The following PRKCE variants were observed in gnomAD, a reference collection of about 807,000 sequenced individuals.
The protein encoded by PRKCE is protein kinase C epsilon type.
A neutral mutation model predicts 85.4 loss-of-function variants in PRKCE; 16 were observed. The ratio of observed to expected loss-of-function variants is 0.19; its 90% CI spans 0.13 to 0.28. The LOEUF is 0.28. PRKCE is among the 10% of genes least tolerant of loss of function. The pLI is 1.00. For missense variants in PRKCE, 573 were observed against 975.2 expected, an observed-to-expected ratio of 0.59 and a Z score of 5.49; for synonymous variants, 388 against 371.5, an observed-to-expected ratio of 1.04 and a Z score of -0.51.
At chr2:45,950,341 C>G (rs1382278286) in intron 2 of PRKCE, among the ~76,000 whole-genome samples, 1 of 152,130 alleles carries the variant, frequency 6.6e-6, no homozygotes, top group Non-Finnish European at 1.5e-5. Context: ...CATTTATTAC[C>G]CCATCATGGG....
At chr2:45,846,400 G>A (rs1479067491) in intron 2 of PRKCE, among the ~76,000 whole-genome samples, 1 of 152,142 alleles carries the variant, frequency 6.6e-6, no homozygotes, top group Non-Finnish European at 1.5e-5. Flanking sequence ...TTGCACCTAG[G>A]TGTCATGCTC....
chr2:46,040,807 A>G (rs1395329387), intron 10 of PRKCE, among the ~76,000 whole-genome samples: 1 of 152,314 alleles, frequency 6.6e-6, no homozygotes, highest in East Asian at 1.9e-4. Flanking sequence ...ACTTACTAAG[A>G]TTTCATCTCC....
intron 10 of PRKCE, among the ~76,000 whole-genome samples, chr2:46,028,142 A>C (rs776677867): frequency 2.0e-5 from 3 of 152,114 alleles, no homozygotes; most frequent in Non-Finnish European, 4.4e-5. Context: ...GGGTTTTGCC[A>C]TGCTGGCCAG....
At chr2:46,005,067 G>C (rs1345213739) in intron 8 of PRKCE, among the ~76,000 whole-genome samples, 3 of 152,188 alleles carry the variant, frequency 2.0e-5, no homozygotes, top group Non-Finnish European at 4.4e-5. Flanking sequence ...CCTGAGATCA[G>C]CTTGAGTTTG....
rs1675352083 is a variant in PRKCE at position 46,139,970 on chromosome 2, C to T, written c.1593-5123C>T. Reference sequence around the variant, plus strand: ...AAAGTGAGAATAGATATTGGGACAACCAGAAATCTGCCATAAAATGTCATA... The same window carrying T: ...AAAGTGAGAATAGATATTGGGACAATCAGAAATCTGCCATAAAATGTCATA... On this transcript the variant is annotated intron_variant, in intron 11 of 14. Coordinates refer to ENST00000306156, the MANE Select transcript of PRKCE (RefSeq NM_005400.3). The surrounding 1 kb of genome is among the most constrained non-coding windows in gnomAD (Gnocchi z 5.2). Among the ~76,000 whole-genome samples, 1 of 151,962 alleles carries T rather than the reference C, an allele frequency of 6.6e-6. No homozygotes were observed. The highest frequency in any genetic ancestry group is 2.4e-5 in the African/African-American group (1 of 41,376).
intron 2 of PRKCE, among the ~76,000 whole-genome samples, chr2:45,908,920 C>T (rs1697182483): frequency 6.6e-6 from 1 of 152,170 alleles, no homozygotes; most frequent in Non-Finnish European, 1.5e-5. Flanking sequence ...TCTATTCTGG[C>T]AGCTTTCTAC....
rs530558619 is a variant in PRKCE, at chr2:45,788,889, T to C, written c.349-54111T>C. On this transcript the variant is annotated intron_variant, in intron 1 of 14. Coordinates refer to ENST00000306156, the MANE Select transcript of PRKCE (RefSeq NM_005400.3). ...GGTCAATCAGAGAAGGGCATTGACT[T>C]ACACCATTGGTCCTCAACTCTGGCT... Among the ~76,000 whole-genome samples the C allele has an allele frequency of 2.0e-5, 3 of 152,324 alleles. No homozygotes were observed. In the South Asian group the frequency reaches 6.2e-4, roughly 32 times the overall value.
chr2:45,949,284 T>G (rs1284029399), intron 2 of PRKCE, among the ~76,000 whole-genome samples: 1 of 152,238 alleles, frequency 6.6e-6, no homozygotes, highest in Non-Finnish European at 1.5e-5. Flanking sequence ...CAGATTTTAA[T>G]TTTTGTCAAC....
chr2:45,776,785 A>G (rs1385339275), intron 1 of PRKCE, among the ~76,000 whole-genome samples: 2 of 152,226 alleles, frequency 1.3e-5, no homozygotes, highest in African/African-American at 4.8e-5. Flanking sequence ...GAGGAAGGCC[A>G]GCCTCACAGC....
intron 11 of PRKCE, among the ~76,000 whole-genome samples, chr2:46,119,617 G>A (rs747643769): frequency 6.6e-6 from 1 of 152,186 alleles, no homozygotes; most frequent in Non-Finnish European, 1.5e-5. Context: ...ATTAGTGCTA[G>A]GAGAGGAACA....
chr2:45,824,124 A>G (rs1207281989), intron 1 of PRKCE, among the ~76,000 whole-genome samples: 2 of 152,220 alleles, frequency 1.3e-5, no homozygotes, highest in African/African-American at 4.8e-5. Context: ...ATGCAAGTTT[A>G]CTATGTTTGT....
At chr2:45,814,780 A>G (rs1688910977) in intron 1 of PRKCE, among the ~76,000 whole-genome samples, 3 of 152,172 alleles carry the variant, frequency 2.0e-5, no homozygotes, top group Non-Finnish European at 2.9e-5. Context: ...AGTGTCTTGT[A>G]GAGTACTTCA....
Position 46,159,965 on chromosome 2 carries a change from A to T in PRKCE, c.2067+213A>T. On this transcript the variant is annotated intron_variant, in intron 14 of 14. Coordinates refer to ENST00000306156, the MANE Select transcript of PRKCE (RefSeq NM_005400.3). This position sits in a 1 kb window ranked among gnomAD's most constrained non-coding sequence, Gnocchi z 4.1. ...GTAACCTACTACAGCAGCACCCAAG[A>T]TGATGATTTACGTGGGCCACAGAAC... 1 of 521,474 alleles carries T rather than the reference A, an allele frequency of 1.9e-6. No individual in the cohort carries two copies. Among genetic ancestry groups the T allele is most frequent in the South Asian group, 2.8e-5 (1 of 35,246 alleles). The allele number at this position is 521,474 out of a possible 1,614,324, so 32.3% of individuals were successfully genotyped here. A position where few individuals can be genotyped will look rare whatever the true frequency, so the allele number is the denominator to read the frequency against.
intron 1 of PRKCE, among the ~76,000 whole-genome samples, chr2:45,730,868 A>C (rs1681513442): frequency 6.6e-6 from 1 of 152,222 alleles, no homozygotes; most frequent in African/African-American, 2.4e-5. Flanking sequence ...TGTCTGCCCG[A>C]CAGATCATGG....
chr2:46,047,147 C>A lies in PRKCE; in HGVS notation c.1437+36630C>A, dbSNP rs142782740. On this transcript the variant is annotated intron_variant, in intron 10 of 14. Transcript: ENST00000306156. ...CCCAGCCTTCCTGGCCATTTTTATC[C>A]CTACTTAGAGAAGTTTTGAGGCACA... 2.7e-3 allele frequency among the ~76,000 whole-genome samples: 418 copies of A among 152,272 alleles called. 3 individuals are homozygous for A. The highest frequency in any genetic ancestry group is 9.5e-3 in the African/African-American group (393 of 41,536).
chr2:46,150,847 G>C (rs1676553251), intron 12 of PRKCE, among the ~76,000 whole-genome samples, 194 bp from the exon 13 acceptor site: 2 of 152,210 alleles, frequency 1.3e-5, no homozygotes, highest in Admixed American at 1.3e-4. Context: ...TTGGAAAGAT[G>C]ATAGCTGGCC....
intron 1 of PRKCE, among the ~76,000 whole-genome samples, chr2:45,754,774 C>T (rs114780989): frequency 1.8e-4 from 27 of 152,324 alleles, no homozygotes; most frequent in Non-Finnish European, 3.5e-4. Flanking sequence ...ACTGGGCTGA[C>T]GTGCATTGGA....
intron 1 of PRKCE, among the ~76,000 whole-genome samples, chr2:45,791,032 C>T (rs920869984): frequency 2.6e-5 from 4 of 152,206 alleles, no homozygotes; most frequent in African/African-American, 9.7e-5. Flanking sequence ...GTGTTCCAGC[C>T]CCTCCACCTC....
At chr2:45,946,570 AGCTCATT>A (rs1700259031) in intron 2 of PRKCE, among the ~76,000 whole-genome samples, 1 of 152,214 alleles carries the variant, frequency 6.6e-6, no homozygotes, top group African/African-American at 2.4e-5. Flanking sequence ...TCCCCCTGCC[AGCTCATT>A]GCCTCTAATC....
Sources: allele counts gnomAD v4.1 joint callset (sites outside exome capture counted in the v4.1 genomes callset), GRCh38; gene constraint gnomAD v4.1.1; non-coding constraint Gnocchi (gnomAD v3.1); transcripts MANE v1.5; gene names NCBI Gene and HGNC (gene_info 2026-07-23, HGNC 2026-07-21).